CSNK1D: variants seen among roughly 807,000 people sequenced by gnomAD.
CSNK1D encodes the protein casein kinase 1 delta, also known as casein kinase I isoform delta.
A neutral mutation model predicts 46.6 loss-of-function variants in CSNK1D; 16 were observed. The observed-to-expected ratio is 0.34, with a 90% confidence interval of 0.23 to 0.52. The LOEUF is 0.52. Ranked by LOEUF, CSNK1D falls within the 20% of genes least tolerant of loss-of-function variation. CSNK1D has a pLI of 0.95. For missense variants in CSNK1D, 398 were observed against 578.4 expected, an observed-to-expected ratio of 0.69 and a Z score of 3.20; for synonymous variants, 276 against 228.2, an observed-to-expected ratio of 1.21 and a Z score of -1.89.
At chr17:82,254,002 G>T (rs2051088029) in intron 3 of CSNK1D, 1 of 217,084 alleles carries the variant, frequency 4.6e-6, no homozygotes, top group Admixed American at 6.8e-5. Flanking sequence ...AGCCGCCGGA[G>T]CCTCGAGAAG....
Position 82,251,871 on chromosome 17 carries a change from G to T in CSNK1D, c.737-344C>A. 2.9e-6 allele frequency: 1 copy of T among 350,746 alleles called. No individual in the cohort carries two copies. Among genetic ancestry groups the T allele is most frequent in the Non-Finnish European group, 5.4e-6 (1 of 184,082 alleles). The allele number at this position is 350,746 out of a possible 1,614,324, so 21.7% of individuals were successfully genotyped here. A position where few individuals can be genotyped will look rare whatever the true frequency, so the allele number is the denominator to read the frequency against. Reference sequence around the variant, plus strand: ...TTCTAGAGCGTGGTGGCGGGCGCCTGTAGTCCCAGCTACCGGGGAGGCTGA... The same window carrying T: ...TTCTAGAGCGTGGTGGCGGGCGCCTTTAGTCCCAGCTACCGGGGAGGCTGA... On this transcript the variant is annotated intron_variant, in intron 5 of 8. Transcript: ENST00000314028. The surrounding 1 kb of genome is among the most constrained non-coding windows in gnomAD (Gnocchi z 4.5).
chr17:82,245,899 C>T, intron 8 of CSNK1D: 1 of 1,452,196 alleles, frequency 6.9e-7, no homozygotes, highest in Non-Finnish European at 9.4e-7. Context: ...AGCCCACCTG[C>T]AAGCTCCCAT....
chr17:82,251,276 T>C lies in CSNK1D; in HGVS notation c.885+103A>G. ...ACTTGCCCTTCACAACCAGAGACAC[T>C]CCCTATATGGTACAGCCCCTCAACA... On this transcript the variant is annotated intron_variant, in intron 6 of 8. Transcript: ENST00000314028. This position sits in a 1 kb window ranked among gnomAD's most constrained non-coding sequence, Gnocchi z 4.5. The C allele has an allele frequency of 1.5e-6, 2 of 1,373,328 alleles. No individual in the cohort carries two copies. The highest frequency in any genetic ancestry group is 2.2e-4 in the Middle Eastern group (1 of 4,526). The allele number at this position is 1,373,328 out of a possible 1,614,324, so 85.1% of individuals were successfully genotyped here. A position where few individuals can be genotyped will look rare whatever the true frequency, so the allele number is the denominator to read the frequency against.
rs2050898594 is a variant in CSNK1D, at chr17:82,248,160, C to A, written c.1197+715G>T. ...AAACAGCCCTGCCCCACTAACCCTG[C>A]CCCTGTTGGCGAACAACCCAGAAAA... On this transcript the variant is annotated intron_variant, in intron 8 of 8. Transcript: ENST00000314028. The surrounding 1 kb of genome is among the most constrained non-coding windows in gnomAD (Gnocchi z 4.1). 2.0e-6 allele frequency: 2 copies of A among 985,418 alleles called. No homozygotes were observed. Among genetic ancestry groups the A allele is most frequent in the Non-Finnish European group, 1.2e-6 (1 of 830,010 alleles). 61.0% of individuals were successfully genotyped at this position (985,418 alleles called of 1,614,324 possible).
intron 1 of CSNK1D, among the ~76,000 whole-genome samples, chr17:82,270,527 T>C (rs1330474336): frequency 6.6e-6 from 1 of 152,218 alleles, no homozygotes; most frequent in African/African-American, 2.4e-5. Flanking sequence ...GAAGACCTAG[T>C]TCCTCGATTT....
chr17:82,254,038 C>T (rs1176296551), intron 3 of CSNK1D: 5 of 183,942 alleles, frequency 2.7e-5, no homozygotes, highest in African/African-American at 1.2e-4. Context: ...GCCGGAGCCT[C>T]GAGAAGCCAG....
chr17:82,239,436 C>A, downstream of CSNK1D: 1 of 170,050 alleles, frequency 5.9e-6, no homozygotes, highest in Non-Finnish European at 1.2e-5. Context: ...TCTTTCCACC[C>A]CTGGAAGATG....
At chr17:82,270,553 C>T (rs931433626) in intron 1 of CSNK1D, among the ~76,000 whole-genome samples, 8 of 152,178 alleles carry the variant, frequency 5.3e-5, no homozygotes, top group African/African-American at 1.7e-4. Context: ...TAACTGGCTG[C>T]CCAAACAAAA....
Position 82,264,921 on chromosome 17 carries a change from C to T in CSNK1D, c.187+765G>A, listed in dbSNP as rs371738432. On this transcript the variant is annotated intron_variant, in intron 2 of 8. Coordinates refer to ENST00000314028, the MANE Select transcript of CSNK1D (RefSeq NM_001893.6). The stretch of plus-strand genomic sequence containing the variant: ...CACGCCATTCTCCTGCCTCAGCCTC[C>T]CAAGTAGCTGGGACTACAGGCGCCC... Among the ~76,000 whole-genome samples, 40 of 152,030 alleles carry T rather than the reference C, an allele frequency of 2.6e-4. No homozygotes were observed. In the East Asian group the frequency reaches 4.1e-3, roughly 15 times the overall value.
downstream of CSNK1D, among the ~76,000 whole-genome samples, chr17:82,241,100 C>G (rs2050736058): frequency 6.6e-6 from 1 of 151,960 alleles, no homozygotes; most frequent in Admixed American, 6.6e-5. Context: ...ACACGTCCGT[C>G]CAGAACCCAC....
In CSNK1D at chr17:82,249,307, G is replaced by A; in HGVS notation, c.1057+124C>T. 1 of 1,072,322 alleles carries A rather than the reference G, an allele frequency of 9.3e-7. No individual in the cohort carries two copies. The highest frequency in any genetic ancestry group is 1.3e-6 in the Non-Finnish European group (1 of 747,466). The allele number at this position is 1,072,322 out of a possible 1,614,324, so 66.4% of individuals were successfully genotyped here. On this transcript the variant is annotated intron_variant, in intron 7 of 8. Transcript: ENST00000314028. The surrounding 1 kb of genome is among the most constrained non-coding windows in gnomAD (Gnocchi z 6.7). ...CAGCCTGGCTCATCCACCCTCAGGAGCGAGCATCGCCTGACACAGGGCACT... is the reference window on the plus strand; with the variant it reads ...CAGCCTGGCTCATCCACCCTCAGGAACGAGCATCGCCTGACACAGGGCACT...
At position 82,249,450 on chromosome 17, in the gene CSNK1D, G is replaced by T. The variant is rs552629890; in HGVS notation, c.1038C>A (p.Leu346=). The T allele has an allele frequency of 1.1e-5, 17 of 1,539,194 alleles. No homozygotes were observed. The highest frequency in any genetic ancestry group is 1.8e-4 in the Middle Eastern group (1 of 5,686). The change falls in exon 7 of 9, where the codon CTC becomes CTA. Residue 346 remains leucine, a synonymous_variant. Coordinates refer to ENST00000314028, the MANE Select transcript of CSNK1D (RefSeq NM_001893.6). The surrounding 1 kb of genome is among the most constrained non-coding windows in gnomAD (Gnocchi z 6.7). ...ACTCACCCGTGTGTGAGGTAGGGGT[G>T]AGGGGTGTGGGGGGAGCCACTTCCT... ...GTQEVAPPTP[L]TPTSHTANTS...
At chr17:82,266,347 C>T (rs993925077) in intron 1 of CSNK1D, among the ~76,000 whole-genome samples, 4 of 152,202 alleles carry the variant, frequency 2.6e-5, no homozygotes, top group South Asian at 2.1e-4. Context: ...CTCCACCAGG[C>T]GGAGGGAGGC....
At chr17:82,270,503 A>G (rs4239013) in intron 1 of CSNK1D, among the ~76,000 whole-genome samples, 150,596 of 152,350 alleles carry the variant, frequency 0.99, 74,436 homozygotes, top group East Asian at 1. Context: ...TACACGACAC[A>G]CAGAGGTCAA....
rs1173345113 is a variant in CSNK1D, at chr17:82,250,990, C to T, written c.885+389G>A. Reference sequence around the variant, plus strand: ...TCAGGCTAGACGGGTAGCACCTCACCAGGCCCCAACCCCACTCATCTCGTG... The same window carrying T: ...TCAGGCTAGACGGGTAGCACCTCACTAGGCCCCAACCCCACTCATCTCGTG... On this transcript the variant is annotated intron_variant, in intron 6 of 8. Transcript: ENST00000314028. The surrounding 1 kb of genome is among the most constrained non-coding windows in gnomAD (Gnocchi z 4.6). 2 of 329,188 alleles carry T rather than the reference C, an allele frequency of 6.1e-6. No individual in the cohort carries two copies. The highest frequency in any genetic ancestry group is 1.2e-5 in the Non-Finnish European group (2 of 169,836). The allele number at this position is 329,188 out of a possible 1,614,324, so 20.4% of individuals were successfully genotyped here. A position where few individuals can be genotyped will look rare whatever the true frequency, so the allele number is the denominator to read the frequency against.
Position 82,251,428 on chromosome 17 carries a change from C to T in CSNK1D, c.836G>A (p.Arg279His). The T allele has an allele frequency of 1.2e-6, 2 of 1,614,086 alleles. No homozygotes were observed. The highest frequency in any genetic ancestry group is 1.7e-6 in the Non-Finnish European group (2 of 1,180,018). ...LRQLFRNLFH[R>H]QGFSYDYVFD... ...CACGTAGTCATAGGAGAAGCCCTGG[C>T]GATGGAACAGATTCCGGAAAAGCTG... Residue 279 changes from arginine to histidine, a missense_variant, in exon 6 of 9, where the codon CGC (arginine) becomes CAC (histidine). Transcript: ENST00000314028. The surrounding 1 kb of genome is among the most constrained non-coding windows in gnomAD (Gnocchi z 4.5).
chr17:82,261,977 T>C (rs2051352619), intron 2 of CSNK1D, among the ~76,000 whole-genome samples: 1 of 152,180 alleles, frequency 6.6e-6, no homozygotes, highest in African/African-American at 2.4e-5. Flanking sequence ...GCTGAGGGGT[T>C]CCCCAAGGAG....
chr17:82,251,543 C>T lies in CSNK1D; in HGVS notation c.737-16G>A. Reference sequence around the variant, plus strand: ...GCAAATTCGGCTACAAAACAAGAAACTCAAAGCTAACTCATGAAACCCAAC... The same window carrying T: ...GCAAATTCGGCTACAAAACAAGAAATTCAAAGCTAACTCATGAAACCCAAC... On this transcript the variant is annotated splice_polypyrimidine_tract_variant and intron_variant, in intron 5 of 8. Transcript: ENST00000314028. This position sits in a 1 kb window ranked among gnomAD's most constrained non-coding sequence, Gnocchi z 4.5. 1 of 1,613,680 alleles carries T rather than the reference C, an allele frequency of 6.2e-7. No individual in the cohort carries two copies. Among genetic ancestry groups the T allele is most frequent in the Non-Finnish European group, 8.5e-7 (1 of 1,179,882 alleles).
At chr17:82,244,897 C>T in intron 8 of CSNK1D, 66 bp from the exon 9 acceptor site, 1 of 1,607,564 alleles carries the variant, frequency 6.2e-7, no homozygotes, top group Non-Finnish European at 8.5e-7. Flanking sequence ...GCAGATACCA[C>T]AGTGACGGTG....
Sources: allele counts gnomAD v4.1 joint callset (sites outside exome capture counted in the v4.1 genomes callset), GRCh38; gene constraint gnomAD v4.1.1; non-coding constraint Gnocchi (gnomAD v3.1); transcripts MANE v1.5; gene names NCBI Gene and HGNC (gene_info 2026-07-23, HGNC 2026-07-21).